The following RXRB variants were observed in gnomAD, a reference collection of about 807,000 sequenced individuals.
RXRB encodes the protein retinoic acid receptor RXR-beta.
RXRB carries 18 observed loss-of-function variants against 52.5 expected under a neutral mutation model. The observed-to-expected ratio is 0.34, with a 90% CI of 0.24 to 0.51. The LOEUF (loss-of-function observed/expected upper bound fraction) is 0.51, where lower values mean the gene tolerates loss of function less well. RXRB is among the 20% of genes least tolerant of loss of function. RXRB has a pLI of 0.97. For synonymous variants in RXRB, 233 were observed against 267.1 expected, an observed-to-expected ratio of 0.87 and a Z score of 1.25; for missense variants, 455 against 698.2, an observed-to-expected ratio of 0.65 and a Z score of 3.92.
rs1774348806 is a variant in RXRB at position 33,200,098 on chromosome 6, G to A, written c.235+144C>T. 1.7e-6 allele frequency: 2 copies of A among 1,192,112 alleles called. No individual in the cohort carries two copies. Among genetic ancestry groups the A allele is most frequent in the Admixed American group, 3.4e-5 (2 of 59,046 alleles). 73.8% of individuals were successfully genotyped at this position (1,192,112 alleles called of 1,614,324 possible). A position where few individuals can be genotyped will look rare whatever the true frequency, so the allele number is the denominator to read the frequency against. ...CCCGCCCCGCCCCGGGGGGGAGGGT[G>A]CTAAGGCCCTCGGGAGGGAGGGGAC... On this transcript the variant is annotated intron_variant, in intron 1 of 9. Transcript: ENST00000374680. This position sits in a 1 kb window ranked among gnomAD's most constrained non-coding sequence, Gnocchi z 6.3.
Position 33,196,059 on chromosome 6 carries a change from T to C in RXRB, c.994-23A>G. 1 of 1,611,872 alleles carries C rather than the reference T, an allele frequency of 6.2e-7. No homozygotes were observed. The highest frequency in any genetic ancestry group is 8.5e-7 in the Non-Finnish European group (1 of 1,179,382). ...TGGCTGCAGGGGACGGGGGTAAGAG[T>C]TATGGAAGATTTTGAGATATGCTGG... On this transcript the variant is annotated intron_variant, in intron 5 of 9. Coordinates refer to ENST00000374680, the MANE Select transcript of RXRB (RefSeq NM_021976.5). This position sits in a 1 kb window ranked among gnomAD's most constrained non-coding sequence, Gnocchi z 4.0.
At position 33,195,409 on chromosome 6, in the gene RXRB, G is replaced by A; in HGVS notation, c.1302C>T (p.Asp434=). ...CCCTCAGGCAGCCAAGCTCTGTCTTGTCCATCCTCATGTCACGCATTTTGG... is the reference window on the plus strand; with the variant it reads ...CCCTCAGGCAGCCAAGCTCTGTCTTATCCATCCTCATGTCACGCATTTTGG... ...LVSKMRDMRM[D]KTELGCLRAI... The change falls in exon 8 of 10, where the codon GAC becomes GAT. Residue 434 remains aspartate, a synonymous_variant. Transcript: ENST00000374680. This position sits in a 1 kb window ranked among gnomAD's most constrained non-coding sequence, Gnocchi z 8.6. 6.2e-7 allele frequency: 1 copy of A among 1,612,714 alleles called. No individual in the cohort carries two copies. Among genetic ancestry groups the A allele is most frequent in the Admixed American group, 1.7e-5 (1 of 60,030 alleles).
In RXRB at chr6:33,200,662, C is replaced by T. The variant is rs1315212462; in HGVS notation, c.-186G>A. 2.6e-6 allele frequency: 4 copies of T among 1,536,530 alleles called. No individual in the cohort carries two copies. Among genetic ancestry groups the T allele is most frequent in the Non-Finnish European group, 3.5e-6 (4 of 1,141,384 alleles). ...AATGTGGCAGCCATCTTTGTACAGA[C>T]GGGAAGTCTCGGCGCGAGTTCCCGC... On this transcript the variant is annotated 5_prime_UTR_variant, in exon 1 of 10. Coordinates refer to ENST00000374680, the MANE Select transcript of RXRB (RefSeq NM_021976.5). This position sits in a 1 kb window ranked among gnomAD's most constrained non-coding sequence, Gnocchi z 6.3.
In RXRB at chr6:33,200,281, C is replaced by T. The variant is rs748869683; in HGVS notation, c.196G>A (p.Gly66Arg). ...GEQQTPEPEP[G>R]EAGRDGMGDS... Reference sequence around the variant, plus strand: ...CCCATCCCGTCCCGTCCAGCCTCCCCTGGCTCCGGCTCCGGGGTTTGTTGT... The same window carrying T: ...CCCATCCCGTCCCGTCCAGCCTCCCTTGGCTCCGGCTCCGGGGTTTGTTGT... The change falls in exon 1 of 10, where the codon GGG becomes AGG. Residue 66 changes from glycine (G) to arginine (R), a missense_variant. Transcript: ENST00000374680. This position sits in a 1 kb window ranked among gnomAD's most constrained non-coding sequence, Gnocchi z 6.3. The T allele has an allele frequency of 6.2e-7, 1 of 1,606,564 alleles. No homozygotes were observed. The highest frequency in any genetic ancestry group is 8.5e-7 in the Non-Finnish European group (1 of 1,178,742).
chr6:33,196,804 AG>A lies in RXRB; in HGVS notation c.821-199del, dbSNP rs1046468636. On this transcript the variant is annotated intron_variant, in intron 4 of 9. Transcript: ENST00000374680. The surrounding 1 kb of genome is among the most constrained non-coding windows in gnomAD (Gnocchi z 4.0). Reference sequence around the variant, plus strand: ...AAAAGGGCAGGTAAGTCAGTCGGGAAGGGTGAGGTAGGTAAAAGAATTAGGG... The same window carrying A: ...AAAAGGGCAGGTAAGTCAGTCGGGAAGGTGAGGTAGGTAAAAGAATTAGGG... Among the ~76,000 whole-genome samples the A allele has an allele frequency of 3.6e-4, 55 of 152,186 alleles. No homozygotes were observed. The highest frequency in any genetic ancestry group is 6.3e-4 in the Non-Finnish European group (43 of 68,036).
rs1050673 is a variant in RXRB at position 33,193,884 on chromosome 6, A to G, written c.*798T>C. On this transcript the variant is annotated 3_prime_UTR_variant, in exon 10 of 10. Coordinates refer to ENST00000374680, the MANE Select transcript of RXRB (RefSeq NM_021976.5). ...TTCCCCAAGTTAGACAGGAAGAGAT[A>G]GGGGGGGCGGCGGGAAGCTGGGAAG... is the stretch of plus-strand genomic sequence containing the variant. The G allele has an allele frequency of 0.78, 119,020 of 152,240 alleles. 47,010 individuals carry two copies. The highest frequency in any genetic ancestry group is 0.95 in the East Asian group (4,906 of 5,152). 9.4% of individuals were successfully genotyped at this position (152,240 alleles called of 1,614,324 possible).
intron 1 of RXRB, 95 bp from the exon 2 acceptor site, chr6:33,199,511 A>G (rs1774260066): frequency 2.0e-6 from 2 of 1,011,110 alleles, no homozygotes; most frequent in African/African-American, 3.3e-5. Flanking sequence ...AGAGACTTTA[A>G]TTCTCTAATA....
chr6:33,194,472 A>T lies in RXRB; in HGVS notation c.*210T>A. On this transcript the variant is annotated 3_prime_UTR_variant, in exon 10 of 10. Coordinates refer to ENST00000374680, the MANE Select transcript of RXRB (RefSeq NM_021976.5). This position sits in a 1 kb window ranked among gnomAD's most constrained non-coding sequence, Gnocchi z 4.1. ...ATTCAGAGACTCAAGGCCACCGAAG[A>T]GAGACAACCAGTCCTCACAGGTATC... is the stretch of plus-strand genomic sequence containing the variant. 1.9e-6 allele frequency: 1 copy of T among 530,034 alleles called. No individual in the cohort carries two copies. The highest frequency in any genetic ancestry group is 3.3e-6 in the Non-Finnish European group (1 of 304,110). The allele number at this position is 530,034 out of a possible 1,614,324, so 32.8% of individuals were successfully genotyped here.
rs1774344247 is a variant in RXRB at position 33,200,085 on chromosome 6, C to T, written c.235+157G>A. The T allele has an allele frequency of 9.9e-6, 11 of 1,110,012 alleles. No individual in the cohort carries two copies. Among genetic ancestry groups the T allele is most frequent in the Admixed American group, 8.4e-5 (5 of 59,206 alleles). 68.8% of individuals were successfully genotyped at this position (1,110,012 alleles called of 1,614,324 possible). On this transcript the variant is annotated intron_variant, in intron 1 of 9. Coordinates refer to ENST00000374680, the MANE Select transcript of RXRB (RefSeq NM_021976.5). This position sits in a 1 kb window ranked among gnomAD's most constrained non-coding sequence, Gnocchi z 6.3. ...GAAGCTCCCCTTCCCCGCCCCGCCC[C>T]GGGGGGGAGGGTGCTAAGGCCCTCG...
At position 33,195,549 on chromosome 6, in the gene RXRB, G is replaced by T. The variant is rs746000962; in HGVS notation, c.1256+21C>A. ...CCCCACCCCCTCTATCTACATGCCAGCCTAGCCGAGGGCCACTGACCGATC... is the reference window on the plus strand; with the variant it reads ...CCCCACCCCCTCTATCTACATGCCATCCTAGCCGAGGGCCACTGACCGATC... On this transcript the variant is annotated intron_variant, in intron 7 of 9. Coordinates refer to ENST00000374680, the MANE Select transcript of RXRB (RefSeq NM_021976.5). This position sits in a 1 kb window ranked among gnomAD's most constrained non-coding sequence, Gnocchi z 8.6. The T allele has an allele frequency of 2.2e-5, 36 of 1,612,964 alleles. No homozygotes were observed. Among genetic ancestry groups the T allele is most frequent in the Non-Finnish European group, 2.8e-5 (33 of 1,180,034 alleles).
In RXRB at chr6:33,195,426, G is replaced by A; in HGVS notation, c.1285C>T (p.Arg429Cys). 1.9e-6 allele frequency: 3 copies of A among 1,612,632 alleles called. No homozygotes were observed. The highest frequency in any genetic ancestry group is 2.5e-6 in the Non-Finnish European group (3 of 1,179,632). Residue 429 changes from arginine to cysteine, a missense_variant, in exon 8 of 10, where the codon CGT becomes TGT. By Grantham distance (180) the Arg-to-Cys change is radical. Coordinates refer to ENST00000374680, the MANE Select transcript of RXRB (RefSeq NM_021976.5). The surrounding 1 kb of genome is among the most constrained non-coding windows in gnomAD (Gnocchi z 8.6). ...TCTGTCTTGTCCATCCTCATGTCAC[G>A]CATTTTGGACACTAGCTCTGTCAGC... ...RVLTELVSKM[R>C]DMRMDKTELG...
At position 33,194,467 on chromosome 6, in the gene RXRB, C is replaced by G. The variant is rs938910945; in HGVS notation, c.*215G>C. The G allele has an allele frequency of 1.9e-6, 1 of 531,016 alleles. No individual in the cohort carries two copies. The highest frequency in any genetic ancestry group is 3.3e-6 in the Non-Finnish European group (1 of 303,930). The allele number at this position is 531,016 out of a possible 1,614,324, so 32.9% of individuals were successfully genotyped here. A position where few individuals can be genotyped will look rare whatever the true frequency, so the allele number is the denominator to read the frequency against. On this transcript the variant is annotated 3_prime_UTR_variant, in exon 10 of 10. Coordinates refer to ENST00000374680, the MANE Select transcript of RXRB (RefSeq NM_021976.5). This position sits in a 1 kb window ranked among gnomAD's most constrained non-coding sequence, Gnocchi z 4.1. ...GACAAATTCAGAGACTCAAGGCCACCGAAGAGAGACAACCAGTCCTCACAG... is the reference window on the plus strand; with the variant it reads ...GACAAATTCAGAGACTCAAGGCCACGGAAGAGAGACAACCAGTCCTCACAG...
At chr6:33,198,261 T>C (rs1204307757) in intron 3 of RXRB, 47 bp downstream of exon 3, 1 of 1,612,388 alleles carries the variant, frequency 6.2e-7, no homozygotes, top group East Asian at 2.2e-5. Flanking sequence ...CAGGTGATGA[T>C]ACATGGCCCA....
intron 2 of RXRB, 135 bp from the exon 3 acceptor site, chr6:33,198,599 G>C: frequency 1.1e-6 from 1 of 884,174 alleles, no homozygotes; most frequent in Non-Finnish European, 1.9e-6. Context: ...TTACACTGCA[G>C]TCTATGTGAA....
At position 33,199,291 on chromosome 6, in the gene RXRB, G is replaced by A; in HGVS notation, c.361C>T (p.Pro121Ser). 4.5e-6 allele frequency: 5 copies of A among 1,118,898 alleles called. No homozygotes were observed. The highest frequency in any genetic ancestry group is 5.7e-6 in the Non-Finnish European group (5 of 871,848). The allele number at this position is 1,118,898 out of a possible 1,614,324, so 69.3% of individuals were successfully genotyped here. A position where few individuals can be genotyped will look rare whatever the true frequency, so the allele number is the denominator to read the frequency against. Residue 121 changes from proline to serine, a missense_variant, in exon 2 of 10, where the codon CCA becomes TCA. Coordinates refer to ENST00000374680, the MANE Select transcript of RXRB (RefSeq NM_021976.5). ...PSLGGSGAPP[P>S]PPMPPPPLGS... ...AGTGGGGGTGGTGGCATCGGGGGTG[G>A]GGGTGGGGCCCCAGAGCCTCCAAGG...
rs558912546 is a variant in RXRB at position 33,197,368 on chromosome 6, A to C, written c.820+394T>G. The stretch of plus-strand genomic sequence containing the variant: ...AGGGAAGCCCTGAGGTCTTCAGTAA[A>C]GTCTGTAAGCTTAAGAGTGCCCAGT... On this transcript the variant is annotated intron_variant, in intron 4 of 9. Transcript: ENST00000374680. This position sits in a 1 kb window ranked among gnomAD's most constrained non-coding sequence, Gnocchi z 4.4. Among the ~76,000 whole-genome samples, 11 of 152,354 alleles carry C rather than the reference A, an allele frequency of 7.2e-5. No individual in the cohort carries two copies. Among genetic ancestry groups the C allele is most frequent in the African/African-American group, 2.6e-4 (11 of 41,576 alleles).
rs1305098502 is a variant in RXRB at position 33,196,154 on chromosome 6, C to G, written c.994-118G>C. Reference sequence around the variant, plus strand: ...GTCTTCCTGTGAGCCCCATCCAAACCAATCCCTGTAAGTGAGTCTTCTCTT... The same window carrying G: ...GTCTTCCTGTGAGCCCCATCCAAACGAATCCCTGTAAGTGAGTCTTCTCTT... On this transcript the variant is annotated intron_variant, in intron 5 of 9. Transcript: ENST00000374680. The surrounding 1 kb of genome is among the most constrained non-coding windows in gnomAD (Gnocchi z 4.0). 1 of 1,302,216 alleles carries G rather than the reference C, an allele frequency of 7.7e-7. No individual in the cohort carries two copies. Among genetic ancestry groups the G allele is most frequent in the Non-Finnish European group, 1.1e-6 (1 of 918,672 alleles). The allele number at this position is 1,302,216 out of a possible 1,614,324, so 80.7% of individuals were successfully genotyped here.
rs974204052 is a variant in RXRB, at chr6:33,198,951, A to C, written c.483+218T>G. Among the ~76,000 whole-genome samples the C allele has an allele frequency of 2.6e-4, 40 of 151,414 alleles. 1 individual carries two copies. Among genetic ancestry groups the C allele is most frequent in the African/African-American group, 4.6e-4 (19 of 41,134 alleles). On this transcript the variant is annotated intron_variant, in intron 2 of 9. Coordinates refer to ENST00000374680, the MANE Select transcript of RXRB (RefSeq NM_021976.5). The stretch of plus-strand genomic sequence containing the variant: ...AAAAAAAAACACACACACACACACA[A>C]AAACAAAGAATATTAGAGTTCTTTT...
chr6:33,199,721 C>A, intron 1 of RXRB: 1 of 434,512 alleles, frequency 2.3e-6, no homozygotes, highest in Non-Finnish European at 4.3e-6. Flanking sequence ...CGTAACTCCT[C>A]ATTGTGGTGA....
Sources: allele counts gnomAD v4.1 joint callset (sites outside exome capture counted in the v4.1 genomes callset), GRCh38; gene constraint gnomAD v4.1.1; non-coding constraint Gnocchi (gnomAD v3.1); transcripts MANE v1.5; gene names NCBI Gene and HGNC (gene_info 2026-07-23, HGNC 2026-07-21).